The following LAMA2 variants were observed in gnomAD, a reference collection of about 807,000 sequenced individuals.
The protein encoded by LAMA2 is laminin subunit alpha 2.
LAMA2 carries 269 observed loss-of-function variants against 364.8 expected under a neutral mutation model. The observed-to-expected ratio is 0.74, with a 90% CI of 0.67 to 0.82. The LOEUF is 0.82. Among genes scored for constraint, LAMA2 ranks in the 40% least tolerant of loss-of-function variants. The pLI is 0.00. For synonymous variants in LAMA2, 1,379 were observed against 1,370.6 expected (o/e 1.01, Z -0.14); for missense variants, 3,807 against 3,873.2 (o/e 0.98, Z 0.45).
chr6:129,486,744 ATACCG>A, intron 56 of LAMA2, 122 bp downstream of exon 56: 1 of 913,442 alleles, frequency 1.1e-6, no homozygotes, highest in Admixed American at 1.8e-5. Context: ...TTGCAAAAGG[ATACCG>A]TAGCTTAATT....
Position 128,955,917 on chromosome 6 carries a change from T to C in LAMA2, c.112+72560T>C, listed in dbSNP as rs1185496409. 3.9e-5 allele frequency among the ~76,000 whole-genome samples: 6 copies of C among 151,912 alleles called. No individual in the cohort carries two copies. The East Asian group carries it at 1.2e-3, about 29-fold the overall frequency. On this transcript the variant is annotated intron_variant, in intron 1 of 64. Coordinates refer to ENST00000421865, the MANE Select transcript of LAMA2 (RefSeq NM_000426.4). ...GGTTGATCAGTGTATCTAAATAGAC[T>C]ATAGTATGCAAAAACATTCAGTAAA...
At chr6:129,014,478 T>C (rs111584283) in intron 1 of LAMA2, among the ~76,000 whole-genome samples, 2 of 152,178 alleles carry the variant, frequency 1.3e-5, no homozygotes, top group African/African-American at 4.8e-5. Flanking sequence ...TTTTTCATCA[T>C]CCTATTCTCC....
intron 12 of LAMA2, among the ~76,000 whole-genome samples, chr6:129,218,924 A>G (rs1476371623): frequency 9.9e-5 from 15 of 152,170 alleles, no homozygotes; most frequent in Admixed American, 9.8e-4. Context: ...ACTTTCATCT[A>G]CCTTAATGAT....
intron 3 of LAMA2, among the ~76,000 whole-genome samples, chr6:129,081,862 A>G (rs1459101608): frequency 2.6e-5 from 4 of 152,178 alleles, no homozygotes; most frequent in African/African-American, 9.6e-5. Flanking sequence ...AAATAAGGAT[A>G]ATTTTTAAAC....
intron 40 of LAMA2, among the ~76,000 whole-genome samples, chr6:129,406,355 A>G (rs1363415915): frequency 6.6e-6 from 1 of 152,204 alleles, no homozygotes. Flanking sequence ...TGCATAACTA[A>G]TTTCTTTAAA....
chr6:129,024,534 C>T (rs1037456001), intron 1 of LAMA2, among the ~76,000 whole-genome samples: 1 of 151,824 alleles, frequency 6.6e-6, no homozygotes, highest in Non-Finnish European at 1.5e-5. Context: ...CAGGCACCTG[C>T]CACCATGCCA....
At chr6:129,152,385 G>A (rs1020847028) in intron 7 of LAMA2, among the ~76,000 whole-genome samples, 12 of 152,170 alleles carry the variant, frequency 7.9e-5, no homozygotes, top group Non-Finnish European at 1.5e-4. Flanking sequence ...TTGTCATAGC[G>A]TTCCTGGAGG....
At chr6:129,185,506 T>C (rs1014642310) in intron 10 of LAMA2, among the ~76,000 whole-genome samples, 1 of 151,900 alleles carries the variant, frequency 6.6e-6, no homozygotes, top group Non-Finnish European at 1.5e-5. Context: ...AATAGATGTC[T>C]AAAGCACACA....
chr6:128,928,720 G>A (rs535565667), intron 1 of LAMA2, among the ~76,000 whole-genome samples: 1 of 152,298 alleles, frequency 6.6e-6, no homozygotes, highest in Non-Finnish European at 1.5e-5. Context: ...ATGCTCATCA[G>A]AATTTTCTAA....
chr6:129,489,712 A>T lies in LAMA2; in HGVS notation c.7899-2189A>T, dbSNP rs1042835052. On this transcript the variant is annotated intron_variant, in intron 56 of 64. Transcript: ENST00000421865. ...CTGAACCCTAAATATTTTCTTTCTTAACATCCAAAGTATGTTCAAACAGAA... is the reference window on the plus strand; with the variant it reads ...CTGAACCCTAAATATTTTCTTTCTTTACATCCAAAGTATGTTCAAACAGAA... Among the ~76,000 whole-genome samples, 12 of 152,312 alleles carry T rather than the reference A, an allele frequency of 7.9e-5. 1 individual carries two copies. In the East Asian group the frequency reaches 2.3e-3, roughly 29 times the overall value.
chr6:129,192,712 C>G lies in LAMA2; in HGVS notation c.1641C>G (p.Asp547Glu). The G allele has an allele frequency of 6.2e-7, 1 of 1,614,122 alleles. No individual in the cohort carries two copies. Among genetic ancestry groups the G allele is most frequent in the Non-Finnish European group, 8.5e-7 (1 of 1,180,014 alleles). ...IQDMSGWYLT[D>E]LPGRIRVAPQ... ...ATATGAGTGGCTGGTATCTGACTGA[C>G]CTTCCTGGCCGCATTCGAGTGGCTC... Residue 547 changes from aspartate (D) to glutamate (E), a missense_variant, in exon 12 of 65, where the codon GAC (aspartate) becomes GAG (glutamate). By Grantham distance (45) the Asp-to-Glu change is conservative. This residue lies in a region of LAMA2 where 3,333 missense variants were observed against 3,345.7 expected (regional missense o/e 1.00). Transcript: ENST00000421865.
At position 129,362,656 on chromosome 6, in the gene LAMA2, A is replaced by G. The variant is rs1231507184; in HGVS notation, c.4718-3563A>G. Among the ~76,000 whole-genome samples, 4 of 152,226 alleles carry G rather than the reference A, an allele frequency of 2.6e-5. No homozygotes were observed. In the East Asian group the frequency reaches 7.7e-4, roughly 29 times the overall value. ...GTTTAAGGTCCCTTCTTTAACGAGG[A>G]AGAAAGAATATATAAATAAATTAAG... On this transcript the variant is annotated intron_variant, in intron 32 of 64. Coordinates refer to ENST00000421865, the MANE Select transcript of LAMA2 (RefSeq NM_000426.4).
intron 1 of LAMA2, among the ~76,000 whole-genome samples, chr6:128,959,224 A>G (rs1373751319): frequency 1.3e-5 from 2 of 152,156 alleles, no homozygotes; most frequent in Non-Finnish European, 1.5e-5. Context: ...GTTTCATCAC[A>G]TTTGGAAATC....
chr6:129,023,883 A>C (rs1158065759), intron 1 of LAMA2, among the ~76,000 whole-genome samples: 9 of 152,142 alleles, frequency 5.9e-5, no homozygotes, highest in Non-Finnish European at 1.3e-4. Context: ...ATTAGGTACC[A>C]ATTTTATATC....
chr6:129,294,339 A>G (rs1789938169), intron 20 of LAMA2, among the ~76,000 whole-genome samples: 1 of 152,176 alleles, frequency 6.6e-6, no homozygotes, highest in Admixed American at 6.5e-5. Context: ...AGCATAACAT[A>G]GACTAAGTGG....
chr6:129,102,160 G>A (rs1311620220), intron 4 of LAMA2, among the ~76,000 whole-genome samples: 18 of 132,968 alleles, frequency 1.4e-4, no homozygotes, highest in African/African-American at 4.6e-4. Flanking sequence ...ACCGAGTCTC[G>A]CTCTGTCACC....
chr6:128,896,811 G>A (rs1391459904), intron 1 of LAMA2, among the ~76,000 whole-genome samples: 2 of 152,128 alleles, frequency 1.3e-5, no homozygotes, highest in Non-Finnish European at 1.5e-5. Flanking sequence ...TTGCTGTGCT[G>A]TTATTATTCA....
intron 31 of LAMA2, 142 bp from the exon 32 acceptor site, chr6:129,353,022 A>C: frequency 1.6e-6 from 1 of 606,602 alleles, no homozygotes; most frequent in Admixed American, 3.0e-5. Context: ...ACTGTTTACT[A>C]TCTGACCCTT....
At chr6:129,413,501 GAAAC>G (rs1445579623) in intron 40 of LAMA2, among the ~76,000 whole-genome samples, 26 of 152,006 alleles carry the variant, frequency 1.7e-4, no homozygotes, top group South Asian at 4.1e-4. Flanking sequence ...AGTAACTCAT[GAAAC>G]AAACAAAGGA....
Sources: gnomAD v4.1 joint callset for allele counts (sites outside exome capture counted in the v4.1 genomes callset) on GRCh38, gnomAD v4.1.1 for gene constraint, gnomAD v4.1.1 regional missense constraint, MANE v1.5 for transcripts, NCBI Gene and HGNC (gene_info 2026-07-23, HGNC 2026-07-21) for gene names.